PRKAG2: variants seen among roughly 807,000 people sequenced by gnomAD.
PRKAG2 encodes the protein 5'-AMP-activated protein kinase subunit gamma-2.
Under a neutral mutation model 69.6 loss-of-function variants are expected in PRKAG2, and 26 were observed. The observed-to-expected ratio is 0.37, with a 90% CI of 0.27 to 0.52. The LOEUF (loss-of-function observed/expected upper bound fraction) is 0.52, where lower values mean the gene tolerates loss of function less well. Ranked by LOEUF, PRKAG2 falls within the 20% of genes least tolerant of loss-of-function variation. The probability of loss-of-function intolerance (pLI) is 0.90; values close to 1 mark genes in which losing one functional copy is unlikely to be tolerated. For missense variants in PRKAG2, 557 were observed against 740.0 expected, an observed-to-expected ratio of 0.75 and a Z score of 2.87; for synonymous variants, 293 against 285.0, an observed-to-expected ratio of 1.03 and a Z score of -0.28.
intron 3 of PRKAG2, among the ~76,000 whole-genome samples, chr7:151,723,618 G>T (rs147448163): frequency 6.3e-4 from 96 of 152,264 alleles, no homozygotes; most frequent in African/African-American, 2.2e-3. Context: ...CTGCCATGCT[G>T]GGACCCAGAT....
chr7:151,574,030 C>T (rs909292758), intron 8 of PRKAG2, among the ~76,000 whole-genome samples: 3 of 152,176 alleles, frequency 2.0e-5, no homozygotes, highest in Admixed American at 6.5e-5. Flanking sequence ...CCACTTACTT[C>T]GGCTTCCCAA....
chr7:151,602,692 C>T (rs1373895498), intron 5 of PRKAG2, among the ~76,000 whole-genome samples: 1 of 152,158 alleles, frequency 6.6e-6, no homozygotes, highest in African/African-American at 2.4e-5. Context: ...GGCTTCGTGT[C>T]CCCACCCAAA....
intron 4 of PRKAG2, among the ~76,000 whole-genome samples, chr7:151,662,263 C>T (rs1352089964): frequency 6.6e-6 from 1 of 152,184 alleles, no homozygotes; most frequent in Non-Finnish European, 1.5e-5. Flanking sequence ...AATCCACGTC[C>T]GTGCCATTTC....
intron 15 of PRKAG2, 65 bp from the exon 16 acceptor site, chr7:151,557,297 G>T: frequency 6.2e-7 from 1 of 1,613,452 alleles, no homozygotes; most frequent in Non-Finnish European, 8.5e-7. Context: ...CTACCCCAGG[G>T]GTTTCTACCT....
At chr7:151,858,109 A>G (rs140935164) in intron 1 of PRKAG2, among the ~76,000 whole-genome samples, 163 of 152,324 alleles carry the variant, frequency 1.1e-3, no homozygotes, top group Non-Finnish European at 1.8e-3. Context: ...CCTCTTCCAC[A>G]GTCAGCTACA....
intron 5 of PRKAG2, among the ~76,000 whole-genome samples, chr7:151,622,151 C>T (rs1207143797): frequency 6.6e-6 from 1 of 152,170 alleles, no homozygotes; most frequent in Admixed American, 6.5e-5. Context: ...ACAAGAGTGG[C>T]AGAGCAATTT....
intron 1 of PRKAG2, among the ~76,000 whole-genome samples, chr7:151,808,110 T>C (rs62478244): frequency 0.028 from 4,198 of 152,120 alleles, 58 homozygotes; most frequent in Middle Eastern, 0.071. Flanking sequence ...TCACCTAGTG[T>C]CCTCACTCAC....
chr7:151,794,286 C>T (rs892444016), intron 1 of PRKAG2, among the ~76,000 whole-genome samples: 2 of 152,256 alleles, frequency 1.3e-5, no homozygotes, highest in African/African-American at 4.8e-5. Flanking sequence ...TTGCTCAAAA[C>T]CAAGTAGCTG....
chr7:151,854,331 G>A (rs1004662123), intron 1 of PRKAG2, among the ~76,000 whole-genome samples: 6 of 152,144 alleles, frequency 3.9e-5, no homozygotes, highest in African/African-American at 9.7e-5. Flanking sequence ...GCACACACAC[G>A]TGTGCACACA....
Position 151,814,527 on chromosome 7 carries a change from C to G in PRKAG2, c.115-27986G>C. On this transcript the variant is annotated intron_variant, in intron 1 of 15. Coordinates refer to ENST00000287878, the MANE Select transcript of PRKAG2 (RefSeq NM_016203.4). This position sits in a 1 kb window ranked among gnomAD's most constrained non-coding sequence, Gnocchi z 4.8. The stretch of plus-strand genomic sequence containing the variant: ...TGACGGGGACGGGCGGCACTCCCAG[C>G]TCTGACAAATCCTGCTGCCTCACTC... 1 of 1,231,430 alleles carries G rather than the reference C, an allele frequency of 8.1e-7. No individual in the cohort carries two copies. 76.3% of individuals were successfully genotyped at this position (1,231,430 alleles called of 1,614,324 possible).
At chr7:151,604,314 A>G (rs1405523587) in intron 5 of PRKAG2, among the ~76,000 whole-genome samples, 3 of 152,198 alleles carry the variant, frequency 2.0e-5, no homozygotes, top group Non-Finnish European at 2.9e-5. Context: ...AGCATGGTGC[A>G]GCGGTTATAG....
chr7:151,661,763 T>C (rs1354633394), intron 4 of PRKAG2, among the ~76,000 whole-genome samples: 4 of 152,172 alleles, frequency 2.6e-5, no homozygotes, highest in African/African-American at 7.2e-5. Context: ...TAACAGGGTA[T>C]GCGTTCCTTC....
At chr7:151,800,426 TGTC>T (rs1347249026) in intron 1 of PRKAG2, among the ~76,000 whole-genome samples, 5 of 148,360 alleles carry the variant, frequency 3.4e-5, no homozygotes, top group African/African-American at 1.3e-4. Context: ...AGACAGGAGG[TGTC>T]TAGACTCAAC....
intron 5 of PRKAG2, among the ~76,000 whole-genome samples, chr7:151,612,610 C>T (rs767668505): frequency 3.9e-5 from 6 of 152,244 alleles, no homozygotes; most frequent in Non-Finnish European, 8.8e-5. Context: ...CCCCCCATCA[C>T]TCCAACTCTG....
rs1216845712 is a variant in PRKAG2, at chr7:151,788,828, G to C, written c.115-2287C>G. On this transcript the variant is annotated intron_variant, in intron 1 of 15. Transcript: ENST00000287878. This position sits in a 1 kb window ranked among gnomAD's most constrained non-coding sequence, Gnocchi z 4.6. ...TGACCTATGTAAATTTTTGTATATGGTATAAACGTAAGGGTGCAATTTCAT... is the reference window on the plus strand; with the variant it reads ...TGACCTATGTAAATTTTTGTATATGCTATAAACGTAAGGGTGCAATTTCAT... Among the ~76,000 whole-genome samples the C allele has an allele frequency of 2.6e-5, 4 of 152,238 alleles. No individual in the cohort carries two copies. The highest frequency in any genetic ancestry group is 1.9e-4 in the East Asian group (1 of 5,176).
In PRKAG2 at chr7:151,699,729, G is replaced by A. The variant is rs1837344676; in HGVS notation, c.467-24092C>T. On this transcript the variant is annotated intron_variant, in intron 3 of 15. Transcript: ENST00000287878. The surrounding 1 kb of genome is among the most constrained non-coding windows in gnomAD (Gnocchi z 4.5). ...TAAGACAGTGCAGGAAGCATCTGATGGAGGACACGTCAATCTTTTCATCAA... is the reference window on the plus strand; with the variant it reads ...TAAGACAGTGCAGGAAGCATCTGATAGAGGACACGTCAATCTTTTCATCAA... Among the ~76,000 whole-genome samples, 1 of 152,188 alleles carries A rather than the reference G, an allele frequency of 6.6e-6. No individual in the cohort carries two copies. Among genetic ancestry groups the A allele is most frequent in the South Asian group, 2.1e-4 (1 of 4,828 alleles).
chr7:151,750,627 G>A (rs1285434952), intron 3 of PRKAG2, among the ~76,000 whole-genome samples: 1 of 152,136 alleles, frequency 6.6e-6, no homozygotes, highest in African/African-American at 2.4e-5. Flanking sequence ...AGGGCTAAGG[G>A]ATGTGAGGTT....
intron 3 of PRKAG2, among the ~76,000 whole-genome samples, chr7:151,775,269 AC>A (rs2076284454): frequency 6.7e-6 from 1 of 150,042 alleles, no homozygotes; most frequent in African/African-American, 2.4e-5. Flanking sequence ...CCTACCCCCC[AC>A]CCCGCCCTGA....
intron 1 of PRKAG2, among the ~76,000 whole-genome samples, chr7:151,796,527 G>A (rs1370326259): frequency 2.0e-5 from 3 of 152,214 alleles, no homozygotes; most frequent in Admixed American, 1.3e-4. Context: ...GCAGAGTGGG[G>A]CAATCCTCTT....
Sources: gnomAD v4.1 joint callset for allele counts (sites outside exome capture counted in the v4.1 genomes callset) on GRCh38, gnomAD v4.1.1 for gene constraint, Gnocchi (gnomAD v3.1) non-coding constraint, MANE v1.5 for transcripts, NCBI Gene and HGNC (gene_info 2026-07-23, HGNC 2026-07-21) for gene names.